CAPZB: variants seen among roughly 807,000 people sequenced by gnomAD.
CAPZB encodes capping actin protein of muscle Z-line subunit beta, also known as F-actin-capping protein subunit beta.
CAPZB carries 2 observed loss-of-function variants against 38.1 expected under a neutral mutation model. The ratio of observed to expected loss-of-function variants is 0.05; its 90% CI spans 0.02 to 0.17. The LOEUF (loss-of-function observed/expected upper bound fraction) is 0.17, where lower values mean the gene tolerates loss of function less well. CAPZB is among the 10% of genes least tolerant of loss of function. The pLI, the probability that CAPZB is intolerant of heterozygous loss-of-function variation, is 1.00. For synonymous variants in CAPZB, 107 were observed against 127.4 expected, an observed-to-expected ratio of 0.84 and a Z score of 1.08; for missense variants, 161 against 334.2, an observed-to-expected ratio of 0.48 and a Z score of 4.04.
At position 19,364,227 on chromosome 1, in the gene CAPZB, G is replaced by T. The variant is rs77193231; in HGVS notation, c.330-6664C>A. ...CTTTTTTCTTATTTGTAAAATCAAA[G>T]AGCTGGATCAGAGGCCAGCGTAGAG... is the stretch of plus-strand genomic sequence containing the variant. On this transcript the variant is annotated intron_variant, in intron 4 of 8. Transcript: ENST00000264202. 9.8e-3 allele frequency among the ~76,000 whole-genome samples: 1,494 copies of T among 152,324 alleles called. 61 individuals are homozygous for T. The East Asian group carries it at 0.13, about 14-fold the overall frequency.
At chr1:19,432,374 C>T (rs1394606799) in intron 1 of CAPZB, among the ~76,000 whole-genome samples, 2 of 151,704 alleles carry the variant, frequency 1.3e-5, no homozygotes, top group African/African-American at 4.8e-5. Context: ...CCTAGGTGGC[C>T]GAGTTTGCAG....
intron 1 of CAPZB, among the ~76,000 whole-genome samples, chr1:19,448,401 G>A (rs2094503388): frequency 6.6e-6 from 1 of 152,150 alleles, no homozygotes; most frequent in South Asian, 2.1e-4. Flanking sequence ...GGAGTGTTTA[G>A]AGATGGAAAA....
rs182906467 is a variant in CAPZB at position 19,470,446 on chromosome 1, G to A, written c.3+14990C>T. ...TCTGACTGTTCGACCCAATTGCCAC[G>A]AAGCTCTCTCACAATGTCCTATTTG... On this transcript the variant is annotated intron_variant, in intron 1 of 8. Coordinates refer to ENST00000264202, the MANE Select transcript of CAPZB (RefSeq NM_004930.5). 1.3e-4 allele frequency among the ~76,000 whole-genome samples: 20 copies of A among 152,242 alleles called. No homozygotes were observed. The East Asian group carries it at 2.7e-3, about 21-fold the overall frequency.
At chr1:19,442,618 G>A (rs981207910) in intron 1 of CAPZB, among the ~76,000 whole-genome samples, 2 of 152,026 alleles carry the variant, frequency 1.3e-5, no homozygotes, top group African/African-American at 2.4e-5. Flanking sequence ...ACTCACACTC[G>A]CACTCGGTCC....
At chr1:19,341,996 C>T (rs2100225032) in intron 8 of CAPZB, among the ~76,000 whole-genome samples, 1 of 152,376 alleles carries the variant, frequency 6.6e-6, no homozygotes, top group Middle Eastern at 3.4e-3. Flanking sequence ...TTCCCTCCTA[C>T]TCTCCAGGGA....
rs1289047251 is a variant in CAPZB at position 19,339,620 on chromosome 1, G to A, written c.732-3C>T. The A allele has an allele frequency of 4.3e-6, 7 of 1,610,428 alleles. No homozygotes were observed. Among genetic ancestry groups the A allele is most frequent in the Non-Finnish European group, 5.9e-6 (7 of 1,176,536 alleles). On this transcript the variant is annotated splice_polypyrimidine_tract_variant and splice_region_variant and intron_variant, in intron 8 of 8. Transcript: ENST00000264202. ...TGTCTGCAAAAGTCTGCACAGACCTGCAAGGGAGGAAAGGCGTTATCAGCA... is the reference window on the plus strand; with the variant it reads ...TGTCTGCAAAAGTCTGCACAGACCTACAAGGGAGGAAAGGCGTTATCAGCA...
intron 4 of CAPZB, among the ~76,000 whole-genome samples, chr1:19,365,043 C>T (rs747122814): frequency 1.3e-5 from 2 of 152,068 alleles, no homozygotes; most frequent in East Asian, 3.9e-4. Context: ...GACAGGGTCT[C>T]GCTATGCTCA....
chr1:19,400,803 C>T lies in CAPZB; in HGVS notation c.94-15177G>A, dbSNP rs541134464. 4.6e-5 allele frequency among the ~76,000 whole-genome samples: 7 copies of T among 152,266 alleles called. No individual in the cohort carries two copies. In the South Asian group the frequency reaches 1.5e-3, roughly 32 times the overall value. On this transcript the variant is annotated intron_variant, in intron 2 of 8. Coordinates refer to ENST00000264202, the MANE Select transcript of CAPZB (RefSeq NM_004930.5). ...ATGAGGACAAGGCCAAGGAACGGGCCTATATGCACTTCACTTGAATTATGC... is the reference window on the plus strand; with the variant it reads ...ATGAGGACAAGGCCAAGGAACGGGCTTATATGCACTTCACTTGAATTATGC...
chr1:19,447,277 T>TTTC (rs1252873516), intron 1 of CAPZB, among the ~76,000 whole-genome samples: 1 of 144,632 alleles, frequency 6.9e-6, no homozygotes, highest in African/African-American at 2.5e-5. Context: ...CTAATCTTTT[T>TTTC]TTTTTTTTTT....
intron 1 of CAPZB, among the ~76,000 whole-genome samples, chr1:19,433,003 C>T (rs779308010): frequency 1.2e-4 from 18 of 152,130 alleles, no homozygotes; most frequent in Admixed American, 2.0e-4. Flanking sequence ...GTGGATTTGT[C>T]GAAAACAAGA....
intron 6 of CAPZB, among the ~76,000 whole-genome samples, chr1:19,348,770 C>G (rs59478563): frequency 0.16 from 7,036 of 45,286 alleles, 609 homozygotes; most frequent in African/African-American, 0.34. Flanking sequence ...GGGGGGGGGG[C>G]GGTCTAGGTG....
intron 6 of CAPZB, among the ~76,000 whole-genome samples, chr1:19,346,132 A>AT (rs1569871230): frequency 6.6e-6 from 1 of 152,352 alleles, no homozygotes. Flanking sequence ...TGCCTGCCTC[A>AT]TAACGCACAG....
chr1:19,379,384 C>T (rs2094161865), intron 3 of CAPZB, among the ~76,000 whole-genome samples: 1 of 152,340 alleles, frequency 6.6e-6, no homozygotes, highest in African/African-American at 2.4e-5. Context: ...TAGGTGTGAG[C>T]CACCGCGCCT....
At chr1:19,366,570 C>T (rs61766692) in intron 4 of CAPZB, among the ~76,000 whole-genome samples, 1 of 151,942 alleles carries the variant, frequency 6.6e-6, no homozygotes, top group African/African-American at 2.4e-5. Context: ...TGCTTGTAAT[C>T]CCAGTTACTC....
chr1:19,383,116 C>A (rs1375949764), intron 3 of CAPZB, among the ~76,000 whole-genome samples: 82 of 128,118 alleles, frequency 6.4e-4, no homozygotes, highest in African/African-American at 8.5e-4. Context: ...CCCATCTCTA[C>A]AAAAAAAAAA....
intron 4 of CAPZB, among the ~76,000 whole-genome samples, chr1:19,359,841 AC>A (rs1446438346): frequency 1.3e-5 from 2 of 152,162 alleles, no homozygotes; most frequent in Non-Finnish European, 2.9e-5. Flanking sequence ...TGTCCAGGAA[AC>A]CGGCCAACAC....
chr1:19,360,271 C>T (rs1045496545), intron 4 of CAPZB, among the ~76,000 whole-genome samples: 2 of 152,188 alleles, frequency 1.3e-5, no homozygotes, highest in Non-Finnish European at 2.9e-5. Flanking sequence ...TCTAGCACAC[C>T]GTTTTCCCTT....
chr1:19,483,738 T>G, intron 1 of CAPZB, among the ~76,000 whole-genome samples: 1 of 152,230 alleles, frequency 6.6e-6, no homozygotes, highest in Non-Finnish European at 1.5e-5. Context: ...CATCAAGGCC[T>G]GGGGCCAGGC....
intron 2 of CAPZB, among the ~76,000 whole-genome samples, chr1:19,403,015 C>T (rs1057337043): frequency 6.6e-6 from 1 of 152,070 alleles, no homozygotes; most frequent in Non-Finnish European, 1.5e-5. Context: ...TGCCATCACA[C>T]TCCAGCCTGG....
Sources: gnomAD v4.1 joint callset for allele counts (sites outside exome capture counted in the v4.1 genomes callset) on GRCh38, gnomAD v4.1.1 for gene constraint, MANE v1.5 for transcripts, NCBI Gene and HGNC (gene_info 2026-07-23, HGNC 2026-07-21) for gene names.